The following ATG10 variants were observed in gnomAD, a reference collection of about 807,000 sequenced individuals.
The protein encoded by ATG10 is autophagy related 10.
Under a neutral mutation model 32.1 loss-of-function variants are expected in ATG10, and 30 were observed. The ratio of observed to expected loss-of-function variants is 0.94; its 90% CI spans 0.70 to 1.27. The LOEUF is 1.27. Among genes scored for constraint, ATG10 ranks in the 50% most tolerant of loss-of-function variants. ATG10 has a pLI of 0.00. For missense variants in ATG10, 233 were observed against 262.3 expected, an observed-to-expected ratio of 0.89 and a Z score of 0.77; for synonymous variants, 87 against 91.5, an observed-to-expected ratio of 0.95 and a Z score of 0.28.
chr5:82,101,672 C>A (rs1008692802), intron 3 of ATG10, among the ~76,000 whole-genome samples: 1 of 152,146 alleles, frequency 6.6e-6, no homozygotes, highest in African/African-American at 2.4e-5. Context: ...GCCCCAAATT[C>A]AATGTGCTTT....
chr5:82,088,627 T>C (rs1317665113), intron 3 of ATG10, among the ~76,000 whole-genome samples: 8 of 152,116 alleles, frequency 5.3e-5, no homozygotes, highest in Admixed American at 3.9e-4. Context: ...GGAGATGACA[T>C]TTAAAGAAAA....
At chr5:82,052,766 AAT>A (rs1341408963) in intron 2 of ATG10, among the ~76,000 whole-genome samples, 1 of 152,168 alleles carries the variant, frequency 6.6e-6, no homozygotes, top group African/African-American at 2.4e-5. Context: ...CGCTTTAAAA[AAT>A]AACTTAATGG....
intron 2 of ATG10, among the ~76,000 whole-genome samples, chr5:81,993,332 C>T (rs62367451): frequency 0.42 from 35,505 of 84,172 alleles, 8,059 homozygotes; most frequent in East Asian, 0.7. Flanking sequence ...TCTTTCCTTC[C>T]TTCCTTCTTT....
chr5:82,014,968 G>T (rs1741368326), intron 2 of ATG10, among the ~76,000 whole-genome samples: 1 of 152,212 alleles, frequency 6.6e-6, no homozygotes. Flanking sequence ...GCTGGTACCG[G>T]TTGTTCCTTT....
intron 3 of ATG10, among the ~76,000 whole-genome samples, chr5:82,142,048 C>T (rs574141319): frequency 4.6e-5 from 7 of 152,238 alleles, no homozygotes; most frequent in Admixed American, 2.0e-4. Context: ...GTGAATGTAG[C>T]GTTACAGTGC....
intron 1 of ATG10, among the ~76,000 whole-genome samples, chr5:81,974,157 G>A (rs958723338): frequency 6.6e-6 from 1 of 152,120 alleles, no homozygotes; most frequent in Admixed American, 6.5e-5. Flanking sequence ...CTAGAGATGT[G>A]TTTGGGACCC....
At chr5:82,033,579 A>G (rs1762804310) in intron 2 of ATG10, among the ~76,000 whole-genome samples, 1 of 151,866 alleles carries the variant, frequency 6.6e-6, no homozygotes. Flanking sequence ...TGCCCCAGTG[A>G]CTGTCCCTTT....
intron 4 of ATG10, among the ~76,000 whole-genome samples, chr5:82,175,575 A>C (rs1406229069): frequency 6.6e-6 from 1 of 152,192 alleles, no homozygotes; most frequent in African/African-American, 2.4e-5. Flanking sequence ...TATCTTGATA[A>C]AGTTATGTGT....
chr5:82,066,107 T>C (rs1426030622), intron 3 of ATG10, among the ~76,000 whole-genome samples: 1 of 152,160 alleles, frequency 6.6e-6, no homozygotes, highest in African/African-American at 2.4e-5. Context: ...AGGGGAAATA[T>C]CTGAAAGTAT....
intron 3 of ATG10, chr5:82,111,599 A>C (rs1016741552): frequency 1.1e-4 from 17 of 151,990 alleles, no homozygotes; most frequent in Admixed American, 5.3e-4. Context: ...TGTTGTAAAC[A>C]TAAGAAAATG....
At chr5:82,215,154 G>T (rs1337248746) in intron 5 of ATG10, among the ~76,000 whole-genome samples, 1 of 152,150 alleles carries the variant, frequency 6.6e-6, no homozygotes, top group Admixed American at 6.5e-5. Context: ...TGATGGGGAA[G>T]GTTGGCAGGA....
intron 2 of ATG10, among the ~76,000 whole-genome samples, chr5:81,988,740 A>G (rs1396402091): frequency 1.3e-5 from 2 of 151,912 alleles, no homozygotes; most frequent in African/African-American, 4.8e-5. Flanking sequence ...GGCCCAAAGT[A>G]TTTTTTTCTC....
chr5:82,004,031 A>G (rs1024290986), intron 2 of ATG10, among the ~76,000 whole-genome samples: 2 of 152,092 alleles, frequency 1.3e-5, no homozygotes, highest in African/African-American at 4.8e-5. Context: ...AATCCCAGCT[A>G]CTGAGACAGG....
intron 3 of ATG10, among the ~76,000 whole-genome samples, chr5:82,088,610 C>G (rs529563960): frequency 7.2e-5 from 11 of 152,288 alleles, no homozygotes; most frequent in Middle Eastern, 3.4e-3. Context: ...ATCCTAGTCC[C>G]AGCCCTGGAG....
intron 5 of ATG10, among the ~76,000 whole-genome samples, chr5:82,249,265 C>T (rs899032554): frequency 6.6e-6 from 1 of 151,996 alleles, no homozygotes; most frequent in African/African-American, 2.4e-5. Flanking sequence ...TTCTAGTTGC[C>T]ATATAGACCT....
At chr5:82,118,246 T>C (rs1765888328) in intron 3 of ATG10, among the ~76,000 whole-genome samples, 1 of 150,386 alleles carries the variant, frequency 6.6e-6, no homozygotes. Context: ...TGTAATTATT[T>C]AATGGCTGTC....
intron 3 of ATG10, among the ~76,000 whole-genome samples, chr5:82,080,235 T>G (rs1764426759): frequency 6.6e-6 from 1 of 152,240 alleles, no homozygotes; most frequent in Non-Finnish European, 1.5e-5. Context: ...TAAATTTGTT[T>G]GAGTTCTTTG....
In ATG10 at chr5:82,017,546, A is replaced by G. The variant is rs553237544; in HGVS notation, c.108+29868A>G. On this transcript the variant is annotated intron_variant, in intron 2 of 7. Coordinates refer to ENST00000282185, the MANE Select transcript of ATG10 (RefSeq NM_031482.5). ...GTATAATGTTGGCTGTGGGTTTGTC[A>G]TAGATGGCTTTTTTACCTTAAGATA... 2.0e-5 allele frequency among the ~76,000 whole-genome samples: 3 copies of G among 152,288 alleles called. No homozygotes were observed. The South Asian group carries it at 6.2e-4, about 32-fold the overall frequency.
intron 5 of ATG10, among the ~76,000 whole-genome samples, chr5:82,217,440 TTA>T (rs1745733581): frequency 6.6e-6 from 1 of 152,162 alleles, no homozygotes; most frequent in South Asian, 2.1e-4. Flanking sequence ...TGCTTATATA[TTA>T]TATTACCTTA....
Sources: gnomAD v4.1 joint callset for allele counts (sites outside exome capture counted in the v4.1 genomes callset) on GRCh38, gnomAD v4.1.1 for gene constraint, MANE v1.5 for transcripts, NCBI Gene and HGNC (gene_info 2026-07-23, HGNC 2026-07-21) for gene names.